EBF2: variants seen among roughly 807,000 people sequenced by gnomAD.
EBF2 encodes the protein transcription factor COE2.
EBF2 carries 21 observed loss-of-function variants against 72.8 expected under a neutral mutation model. The observed-to-expected ratio is 0.29, with a 90% confidence interval of 0.20 to 0.42. The LOEUF (loss-of-function observed/expected upper bound fraction) is 0.42. Among genes scored for constraint, EBF2 ranks in the 10% least tolerant of loss-of-function variants. The probability of loss-of-function intolerance (pLI) is 1.00; values close to 1 mark genes in which losing one functional copy is unlikely to be tolerated. For missense variants in EBF2, 637 were observed against 731.2 expected (o/e 0.87, Z 1.49); for synonymous variants, 299 against 274.2 (o/e 1.09, Z -0.89).
chr8:25,919,333 G>T (rs1170298192), intron 6 of EBF2, among the ~76,000 whole-genome samples: 2 of 152,120 alleles, frequency 1.3e-5, no homozygotes, highest in Non-Finnish European at 2.9e-5. Context: ...ACTCCAGAAA[G>T]AAAGTAGGAA....
At chr8:25,860,922 A>ATGAT in intron 13 of EBF2, 127 bp downstream of exon 13, 1 of 975,466 alleles carries the variant, frequency 1.0e-6, no homozygotes, top group Non-Finnish European at 1.6e-6. Context: ...AACCCAATCT[A>ATGAT]TGATTGTATT....
intron 7 of EBF2, among the ~76,000 whole-genome samples, chr8:25,903,064 A>T: frequency 6.6e-6 from 1 of 152,082 alleles, no homozygotes. Context: ...GTATGTATTT[A>T]ATTTTTATGG....
chr8:26,042,478 C>T (rs1805620555), intron 1 of EBF2, among the ~76,000 whole-genome samples: 1 of 152,136 alleles, frequency 6.6e-6, no homozygotes, highest in South Asian at 2.1e-4. Flanking sequence ...GGGTCTCTGA[C>T]ACCACCAAGT....
intron 1 of EBF2, among the ~76,000 whole-genome samples, chr8:26,043,985 G>A (rs1805654781): frequency 6.6e-6 from 1 of 152,184 alleles, no homozygotes; most frequent in Non-Finnish European, 1.5e-5. Context: ...CCAGAGGCTG[G>A]CGATCCCTGA....
chr8:25,976,532 A>G (rs1162733153), intron 6 of EBF2, among the ~76,000 whole-genome samples: 1 of 152,222 alleles, frequency 6.6e-6, no homozygotes, highest in Non-Finnish European at 1.5e-5. Context: ...ATATTTGGAA[A>G]TGATTTCCTG....
chr8:26,037,681 A>ATATC (rs1396772250), intron 5 of EBF2, among the ~76,000 whole-genome samples: 1 of 152,132 alleles, frequency 6.6e-6, no homozygotes, highest in Non-Finnish European at 1.5e-5. Context: ...TCAAATTATA[A>ATATC]TATCTTTTAA....
In EBF2 at chr8:25,887,878, G is replaced by A. The variant is rs1477339715; in HGVS notation, c.846C>T (p.Leu282=). 1 of 1,613,648 alleles carries A rather than the reference G, an allele frequency of 6.2e-7. No individual in the cohort carries two copies. ...CAAGCATAGTCCCAAACACCACTTG[G>A]AGACCATCAAAGAAGTTGTCCCCGA... is the stretch of plus-strand genomic sequence containing the variant. ...IIIGDNFFDG[L]QVVFGTMLVW... Residue 282 remains leucine, a synonymous_variant, in exon 9 of 16, where the codon CTC becomes CTT. Coordinates refer to ENST00000520164, the MANE Select transcript of EBF2 (RefSeq NM_022659.4).
intron 13 of EBF2, among the ~76,000 whole-genome samples, chr8:25,860,402 A>T (rs578028096): frequency 9.8e-5 from 15 of 152,324 alleles, no homozygotes; most frequent in Admixed American, 3.9e-4. Context: ...AATCACAATA[A>T]CAGAAGCATA....
intron 7 of EBF2, among the ~76,000 whole-genome samples, chr8:25,903,421 C>T (rs941158597): frequency 6.6e-6 from 1 of 151,964 alleles, no homozygotes; most frequent in Non-Finnish European, 1.5e-5. Context: ...TACAGCCGGG[C>T]GCGGTGGCTC....
At chr8:25,994,533 A>G (rs570497967) in intron 6 of EBF2, among the ~76,000 whole-genome samples, 1 of 152,362 alleles carries the variant, frequency 6.6e-6, no homozygotes, top group African/African-American at 2.4e-5. Context: ...CATCAGATCA[A>G]CTTAGATGCC....
chr8:25,913,285 A>T (rs986871205), intron 6 of EBF2, among the ~76,000 whole-genome samples: 1 of 152,110 alleles, frequency 6.6e-6, no homozygotes, highest in South Asian at 2.1e-4. Flanking sequence ...TACTAAAAAT[A>T]CAAAAATCAG....
intron 6 of EBF2, among the ~76,000 whole-genome samples, chr8:25,909,873 A>G (rs1358327336): frequency 6.6e-6 from 1 of 152,186 alleles, no homozygotes; most frequent in African/African-American, 2.4e-5. Flanking sequence ...ACATGCTCCC[A>G]TGAATAAGGT....
intron 6 of EBF2, among the ~76,000 whole-genome samples, chr8:25,928,188 C>T (rs994899745): frequency 1.3e-5 from 2 of 152,088 alleles, no homozygotes; most frequent in Non-Finnish European, 2.9e-5. Flanking sequence ...ATTAGAAGTA[C>T]AGCTAGTGTG....
At chr8:25,849,921 G>A (rs1034323747) in intron 15 of EBF2, among the ~76,000 whole-genome samples, 87 of 152,094 alleles carry the variant, frequency 5.7e-4, no homozygotes, top group African/African-American at 1.5e-3. Flanking sequence ...GATGGCAAGC[G>A]GATTAGGTAA....
At chr8:26,032,966 A>T in intron 6 of EBF2, 119 bp downstream of exon 6, 1 of 931,928 alleles carries the variant, frequency 1.1e-6, no homozygotes, top group Non-Finnish European at 1.7e-6. Flanking sequence ...GGATGAGCTT[A>T]GTGACTTGAA....
intron 10 of EBF2, among the ~76,000 whole-genome samples, chr8:25,871,141 T>C (rs1173714695): frequency 6.6e-6 from 1 of 152,162 alleles, no homozygotes; most frequent in African/African-American, 2.4e-5. Context: ...TAGATTCAGC[T>C]TCACCTTGAA....
intron 6 of EBF2, among the ~76,000 whole-genome samples, chr8:25,982,611 T>C (rs1410010714): frequency 6.6e-6 from 1 of 152,208 alleles, no homozygotes; most frequent in Non-Finnish European, 1.5e-5. Context: ...ATTTCATTGA[T>C]CTGCATTTAT....
chr8:25,907,659 G>C (rs1320394088), intron 7 of EBF2, among the ~76,000 whole-genome samples: 1 of 151,900 alleles, frequency 6.6e-6, no homozygotes, highest in Non-Finnish European at 1.5e-5. Flanking sequence ...TGAGGCTAAG[G>C]TTCCCCATCT....
At chr8:25,880,847 G>A (rs1014055092) in intron 10 of EBF2, among the ~76,000 whole-genome samples, 1 of 152,122 alleles carries the variant, frequency 6.6e-6, no homozygotes, top group African/African-American at 2.4e-5. Flanking sequence ...CCAGCTGGAA[G>A]TATTTTGTCC....
Sources: gnomAD v4.1 joint callset for allele counts (sites outside exome capture counted in the v4.1 genomes callset) on GRCh38, gnomAD v4.1.1 for gene constraint, MANE v1.5 for transcripts, NCBI Gene and HGNC (gene_info 2026-07-23, HGNC 2026-07-21) for gene names.